Variants in GALNTL6 observed in about 807,000 individuals in gnomAD.
The protein encoded by GALNTL6 is polypeptide N-acetylgalactosaminyltransferase-like 6.
A neutral mutation model predicts 73.7 loss-of-function variants in GALNTL6; 46 were observed. That is an observed-to-expected ratio of 0.62 (90% confidence interval 0.49 to 0.80). The LOEUF is 0.80. Among genes scored for constraint, GALNTL6 ranks in the 30% least tolerant of loss-of-function variants. The pLI is 0.00. For missense variants in GALNTL6, 604 were observed against 755.0 expected, an observed-to-expected ratio of 0.80 and a Z score of 2.34; for synonymous variants, 259 against 263.7, an observed-to-expected ratio of 0.98 and a Z score of 0.17.
intron 5 of GALNTL6, among the ~76,000 whole-genome samples, chr4:172,705,472 C>G (rs967193200): frequency 2.0e-5 from 3 of 151,188 alleles, no homozygotes; most frequent in African/African-American, 7.3e-5. Context: ...AAAATCTCTA[C>G]ACTTTAGCTC....
At chr4:171,849,869 T>A (rs1735472048) in intron 2 of GALNTL6, among the ~76,000 whole-genome samples, 1 of 152,180 alleles carries the variant, frequency 6.6e-6, no homozygotes, top group Non-Finnish European at 1.5e-5. Flanking sequence ...CAAATTTAAC[T>A]GGTTATGAGA....
intron 3 of GALNTL6, among the ~76,000 whole-genome samples, chr4:172,240,011 C>T (rs981453742): frequency 2.6e-5 from 4 of 152,182 alleles, no homozygotes; most frequent in African/African-American, 9.6e-5. Context: ...TCATGTTGAC[C>T]TTGGAGAATC....
At chr4:172,156,184 A>G (rs917249745) in intron 2 of GALNTL6, among the ~76,000 whole-genome samples, 4 of 152,040 alleles carry the variant, frequency 2.6e-5, no homozygotes, top group Non-Finnish European at 4.4e-5. Context: ...AGTGACTGCT[A>G]CGTAGTACCT....
intron 2 of GALNTL6, among the ~76,000 whole-genome samples, chr4:171,922,787 T>C (rs939621575): frequency 6.6e-6 from 1 of 152,154 alleles, no homozygotes; most frequent in Non-Finnish European, 1.5e-5. Context: ...AAATTTATTT[T>C]TATTAACTGC....
intron 5 of GALNTL6, among the ~76,000 whole-genome samples, chr4:172,784,473 C>A (rs1005032410): frequency 6.6e-5 from 10 of 152,062 alleles, no homozygotes; most frequent in African/African-American, 2.4e-4. Flanking sequence ...AGGCTTACAA[C>A]AACACAAATT....
intron 2 of GALNTL6, among the ~76,000 whole-genome samples, chr4:172,094,603 T>C (rs1319407809): frequency 6.6e-6 from 1 of 152,128 alleles, no homozygotes. Context: ...ATTATGTGTT[T>C]TTTTATATTT....
chr4:173,030,291 T>G (rs1753403469), intron 12 of GALNTL6, among the ~76,000 whole-genome samples: 1 of 152,220 alleles, frequency 6.6e-6, no homozygotes, highest in Non-Finnish European at 1.5e-5. Context: ...TTTCAATAAT[T>G]AATTCTATCT....
At chr4:172,351,107 A>T (rs1741923644) in intron 5 of GALNTL6, among the ~76,000 whole-genome samples, 1 of 152,088 alleles carries the variant, frequency 6.6e-6, no homozygotes, top group South Asian at 2.1e-4. Context: ...CTCTACTACT[A>T]CTATAGTATA....
At chr4:172,684,837 A>G (rs1023546217) in intron 5 of GALNTL6, among the ~76,000 whole-genome samples, 1 of 152,164 alleles carries the variant, frequency 6.6e-6, no homozygotes, top group African/African-American at 2.4e-5. Flanking sequence ...TCTGCATCTG[A>G]AATGATTTCA....
intron 5 of GALNTL6, among the ~76,000 whole-genome samples, chr4:172,723,608 A>G (rs543041018): frequency 1.3e-5 from 2 of 152,188 alleles, no homozygotes; most frequent in South Asian, 4.1e-4. Flanking sequence ...TAAAACTTTT[A>G]TAGTGCCTTG....
At chr4:172,144,550 C>A (rs2110745926) in intron 2 of GALNTL6, among the ~76,000 whole-genome samples, 1 of 152,230 alleles carries the variant, frequency 6.6e-6, no homozygotes, top group South Asian at 2.1e-4. Flanking sequence ...TGAGAGGGAG[C>A]TAGAAGTCAT....
chr4:172,834,775 C>T (rs1742820789), intron 7 of GALNTL6, among the ~76,000 whole-genome samples: 1 of 152,230 alleles, frequency 6.6e-6, no homozygotes, highest in Non-Finnish European at 1.5e-5. Flanking sequence ...TCCACTGTCT[C>T]CTTCTCTCAC....
intron 5 of GALNTL6, among the ~76,000 whole-genome samples, chr4:172,660,615 A>G (rs973934760): frequency 2.0e-5 from 3 of 152,198 alleles, no homozygotes; most frequent in Non-Finnish European, 4.4e-5. Flanking sequence ...TTCATGTATT[A>G]AAAACTAAGC....
In GALNTL6 at chr4:172,608,562, G is replaced by T. The variant is rs1560833412; in HGVS notation, c.554-200799G>T. On this transcript the variant is annotated intron_variant, in intron 5 of 12. Coordinates refer to ENST00000506823, the MANE Select transcript of GALNTL6 (RefSeq NM_001034845.3). ...ATAGTATAGTTTAAAGTTAGGTAAT[G>T]TGATGCCTCTAGTTTATTTCTTTTT... Among the ~76,000 whole-genome samples the T allele has an allele frequency of 2.6e-5, 4 of 152,232 alleles. No individual in the cohort carries two copies. In the South Asian group the frequency reaches 8.3e-4, roughly 32 times the overall value.
chr4:172,172,342 C>A (rs1384158466), intron 2 of GALNTL6, among the ~76,000 whole-genome samples: 1 of 152,064 alleles, frequency 6.6e-6, no homozygotes, highest in Non-Finnish European at 1.5e-5. Context: ...GGACTACAGG[C>A]ACTCGCCACC....
At chr4:172,412,075 C>T (rs335984) in intron 5 of GALNTL6, among the ~76,000 whole-genome samples, 131,445 of 152,038 alleles carry the variant, frequency 0.86, 56,852 homozygotes, top group South Asian at 0.89. Context: ...TAGGGTCTCA[C>T]TCTGTCACCC....
At chr4:172,366,701 C>T (rs759133918) in intron 5 of GALNTL6, among the ~76,000 whole-genome samples, 8 of 152,140 alleles carry the variant, frequency 5.3e-5, no homozygotes, top group Non-Finnish European at 8.8e-5. Flanking sequence ...TCCTCCCCTC[C>T]CCTAACCTTG....
At chr4:172,820,742 G>T (rs1358696571) in intron 7 of GALNTL6, among the ~76,000 whole-genome samples, 2 of 152,198 alleles carry the variant, frequency 1.3e-5, no homozygotes, top group East Asian at 1.9e-4. Flanking sequence ...CACAAATTTT[G>T]CATGATCTCC....
chr4:171,894,256 C>T lies in GALNTL6; in HGVS notation c.138+79538C>T, dbSNP rs1002213949. On this transcript the variant is annotated intron_variant, in intron 2 of 12. Transcript: ENST00000506823. ...CCATGTGCTGCACTTGATTTAGTGT[C>T]ACTCTAGAGAAATTGACAAACAACC... is the stretch of plus-strand genomic sequence containing the variant. Among the ~76,000 whole-genome samples, 3 of 152,242 alleles carry T rather than the reference C, an allele frequency of 2.0e-5. No homozygotes were observed. The East Asian group carries it at 5.8e-4, about 29-fold the overall frequency.
Sources: allele counts gnomAD v4.1 joint callset (sites outside exome capture counted in the v4.1 genomes callset), GRCh38; gene constraint gnomAD v4.1.1; transcripts MANE v1.5; gene names NCBI Gene and HGNC (gene_info 2026-07-23, HGNC 2026-07-21).